Variants in MAML2 observed in about 807,000 individuals in gnomAD.
MAML2 encodes mastermind-like protein 2.
MAML2 carries 22 observed loss-of-function variants against 96.1 expected under a neutral mutation model. That is an observed-to-expected ratio of 0.23 (90% CI 0.16 to 0.33). The LOEUF is 0.33. Among genes scored for constraint, MAML2 ranks in the 10% least tolerant of loss-of-function variants. The pLI, the probability that MAML2 is intolerant of heterozygous loss-of-function variation, is 1.00. For synonymous variants in MAML2, 561 were observed against 521.3 expected, an observed-to-expected ratio of 1.08 and a Z score of -1.04; for missense variants, 1,367 against 1,392.4, an observed-to-expected ratio of 0.98 and a Z score of 0.29.
chr11:96,223,195 C>T (rs1862164640), intron 1 of MAML2, among the ~76,000 whole-genome samples: 1 of 151,914 alleles, frequency 6.6e-6, no homozygotes, highest in Admixed American at 6.6e-5. Flanking sequence ...GAAATGAAAG[C>T]AAAAATAAAT....
chr11:96,139,905 G>T (rs894593682), intron 1 of MAML2, among the ~76,000 whole-genome samples: 4 of 152,134 alleles, frequency 2.6e-5, no homozygotes, highest in Admixed American at 2.6e-4. Context: ...TGCAATGAAG[G>T]CCTGGGTATG....
chr11:96,070,399 C>T (rs1859326393), intron 2 of MAML2, among the ~76,000 whole-genome samples: 1 of 152,252 alleles, frequency 6.6e-6, no homozygotes, highest in Non-Finnish European at 1.5e-5. Context: ...AGAGCTGCAG[C>T]CCCTTAGGGA....
intron 1 of MAML2, among the ~76,000 whole-genome samples, chr11:96,165,328 A>T (rs1436878893): frequency 6.6e-6 from 1 of 152,174 alleles, no homozygotes; most frequent in Admixed American, 6.5e-5. Flanking sequence ...TAGGGCAGAG[A>T]TCCATAATTT....
intron 1 of MAML2, among the ~76,000 whole-genome samples, chr11:96,202,614 T>C (rs1363124787): frequency 6.6e-6 from 1 of 152,022 alleles, no homozygotes; most frequent in Non-Finnish European, 1.5e-5. Context: ...GTAACTATGC[T>C]GTGTTCCAGA....
intron 1 of MAML2, among the ~76,000 whole-genome samples, chr11:96,113,265 T>C (rs556021274): frequency 6.6e-6 from 1 of 152,126 alleles, no homozygotes; most frequent in Non-Finnish European, 1.5e-5. Context: ...AGGAAGCATA[T>C]TGTGCCAAAA....
At chr11:96,123,796 C>T (rs903330587) in intron 1 of MAML2, among the ~76,000 whole-genome samples, 41 of 151,958 alleles carry the variant, frequency 2.7e-4, no homozygotes, top group African/African-American at 9.4e-4. Flanking sequence ...GTAACCCGGC[C>T]GGCATGGTGG....
intron 1 of MAML2, among the ~76,000 whole-genome samples, chr11:96,199,003 C>T (rs1221528829): frequency 6.6e-6 from 1 of 151,746 alleles, no homozygotes; most frequent in Non-Finnish European, 1.5e-5. Flanking sequence ...CAAGACCAGC[C>T]TGGCCAAGAT....
chr11:95,985,543 C>A lies in MAML2; in HGVS notation c.2443G>T (p.Ala815Ser). Residue 815 changes from alanine (A) to serine (S), a missense_variant, in exon 4 of 5, where the codon GCT (alanine) becomes TCT (serine). Ala to Ser is a moderately conservative substitution (Grantham distance 99, BLOSUM62 1). Coordinates refer to ENST00000524717, the MANE Select transcript of MAML2 (RefSeq NM_032427.4). ...RRNVGNMQPT[A>S]QYSGGSSTIS... ...TAAGAACACTTACCAGAATACTGAG[C>A]AGTTGGTTGCATATTGCCCACATTT... 6.3e-7 allele frequency: 1 copy of A among 1,597,482 alleles called. No individual in the cohort carries two copies. The highest frequency in any genetic ancestry group is 8.6e-7 in the Non-Finnish European group (1 of 1,166,600).
chr11:96,122,287 G>T (rs1280853541), intron 1 of MAML2, among the ~76,000 whole-genome samples: 1 of 151,836 alleles, frequency 6.6e-6, no homozygotes, highest in Non-Finnish European at 1.5e-5. Flanking sequence ...CTACTAAAGG[G>T]GTGGAAAACC....
intron 1 of MAML2, among the ~76,000 whole-genome samples, chr11:96,255,225 A>G (rs1339425187): frequency 6.6e-6 from 1 of 152,234 alleles, no homozygotes; most frequent in East Asian, 1.9e-4. Context: ...AGACAAAATT[A>G]TCAATATGGC....
At chr11:96,142,701 G>A (rs1860755273) in intron 1 of MAML2, among the ~76,000 whole-genome samples, 1 of 152,132 alleles carries the variant, frequency 6.6e-6, no homozygotes, top group Non-Finnish European at 1.5e-5. Flanking sequence ...ATCCAGGAAG[G>A]GATCTCATTT....
At chr11:96,329,556 T>TA (rs1399927381) in intron 1 of MAML2, among the ~76,000 whole-genome samples, 1 of 152,192 alleles carries the variant, frequency 6.6e-6, no homozygotes, top group East Asian at 1.9e-4. Flanking sequence ...TAAGAAGTGA[T>TA]ACAAGCCACA....
rs74741233 is a variant in MAML2 at position 96,311,301 on chromosome 11, G to A, written c.513+30082C>T. 4.6e-3 allele frequency among the ~76,000 whole-genome samples: 700 copies of A among 152,302 alleles called. 6 individuals carry two copies. Among genetic ancestry groups the A allele is most frequent in the African/African-American group, 0.016 (675 of 41,574 alleles). Reference sequence around the variant, plus strand: ...AGTGAAAGAGTAGGAAGAAATAGAAGAAGCTGGATAGTCACACTCACTTTA... The same window carrying A: ...AGTGAAAGAGTAGGAAGAAATAGAAAAAGCTGGATAGTCACACTCACTTTA... On this transcript the variant is annotated intron_variant, in intron 1 of 4. Transcript: ENST00000524717.
intron 1 of MAML2, among the ~76,000 whole-genome samples, chr11:96,238,716 A>G (rs1862395948): frequency 6.6e-6 from 1 of 152,232 alleles, no homozygotes; most frequent in Non-Finnish European, 1.5e-5. Flanking sequence ...GAGGCATGTG[A>G]GCTTATTCAA....
intron 1 of MAML2, among the ~76,000 whole-genome samples, chr11:96,236,588 G>A (rs1158496988): frequency 1.3e-5 from 2 of 152,108 alleles, no homozygotes; most frequent in Non-Finnish European, 2.9e-5. Context: ...AATTTAGAAA[G>A]CACCATGAAT....
At chr11:96,281,653 C>T (rs1863068346) in intron 1 of MAML2, among the ~76,000 whole-genome samples, 1 of 152,030 alleles carries the variant, frequency 6.6e-6, no homozygotes, top group Admixed American at 6.6e-5. Flanking sequence ...GAGGGGATCA[C>T]CAGTTTAAGA....
chr11:96,008,664 T>C (rs1858224438), intron 2 of MAML2, among the ~76,000 whole-genome samples: 1 of 152,206 alleles, frequency 6.6e-6, no homozygotes, highest in African/African-American at 2.4e-5. Flanking sequence ...TCCATAAAGT[T>C]AACAGAACTT....
intron 1 of MAML2, among the ~76,000 whole-genome samples, chr11:96,255,005 T>A (rs1232482439): frequency 6.6e-6 from 1 of 151,964 alleles, no homozygotes; most frequent in Admixed American, 6.6e-5. Context: ...ATTTTTTTTT[T>A]AGAGGTGGGG....
intron 2 of MAML2, among the ~76,000 whole-genome samples, chr11:95,997,893 A>G (rs1565184836): frequency 6.6e-6 from 1 of 152,080 alleles, no homozygotes; most frequent in Non-Finnish European, 1.5e-5. Context: ...ATGTTTTAAA[A>G]TTATCTCAAA....
Sources: gnomAD v4.1 joint callset for allele counts (sites outside exome capture counted in the v4.1 genomes callset) on GRCh38, gnomAD v4.1.1 for gene constraint, MANE v1.5 for transcripts, NCBI Gene and HGNC (gene_info 2026-07-23, HGNC 2026-07-21) for gene names.